Variants in ZFHX3 observed in about 807,000 individuals in gnomAD.
ZFHX3 encodes the protein zinc finger homeobox 3.
ZFHX3 carries 42 observed loss-of-function variants against 279.1 expected under a neutral mutation model. The observed-to-expected ratio is 0.15, with a 90% CI of 0.12 to 0.19. The LOEUF is 0.19. Ranked by LOEUF, ZFHX3 falls within the 10% of genes least tolerant of loss-of-function variation. ZFHX3 has a pLI of 1.00. For missense variants in ZFHX3, 4,981 were observed against 4,754.0 expected, an observed-to-expected ratio of 1.05 and a Z score of -1.40; for synonymous variants, 2,293 against 1,957.8, an observed-to-expected ratio of 1.17 and a Z score of -4.52.
At chr16:73,392,614 T>C (rs1233308904) in intron 3 of ZFHX3, among the ~76,000 whole-genome samples, 2 of 151,674 alleles carry the variant, frequency 1.3e-5, no homozygotes, top group East Asian at 3.9e-4. Context: ...GGAAGGACTA[T>C]ATAAATCTAA....
chr16:72,877,596 G>A (rs547379707), intron 4 of ZFHX3, among the ~76,000 whole-genome samples: 4 of 152,186 alleles, frequency 2.6e-5, no homozygotes, highest in African/African-American at 4.8e-5. Flanking sequence ...GAGACGACTC[G>A]TCCTCAAGTT....
intron 3 of ZFHX3, among the ~76,000 whole-genome samples, chr16:73,418,268 C>G (rs2017636378): frequency 6.6e-6 from 1 of 152,248 alleles, no homozygotes; most frequent in Non-Finnish European, 1.5e-5. Flanking sequence ...CCGATTTCCT[C>G]ATCAGTTGCA....
At chr16:73,164,596 A>G (rs1199016244) in intron 5 of ZFHX3, among the ~76,000 whole-genome samples, 1 of 151,208 alleles carries the variant, frequency 6.6e-6, no homozygotes, top group African/African-American at 2.4e-5. Flanking sequence ...GCTACTCAGG[A>G]GGCTGAGGCA....
intron 1 of ZFHX3, among the ~76,000 whole-genome samples, chr16:73,722,256 C>A (rs2053480459): frequency 1.3e-5 from 2 of 152,120 alleles, no homozygotes; most frequent in Non-Finnish European, 2.9e-5. Flanking sequence ...TTCAAAGAAA[C>A]CAAGGAGGGT....
chr16:73,400,600 A>T (rs1006616759), intron 3 of ZFHX3: 3 of 152,186 alleles, frequency 2.0e-5, no homozygotes, highest in Admixed American at 1.3e-4. Flanking sequence ...CATTTTAGCA[A>T]ATGCAAGATG....
chr16:73,545,794 A>T (rs77047600), intron 2 of ZFHX3, among the ~76,000 whole-genome samples: 4 of 80,954 alleles, frequency 4.9e-5, no homozygotes, highest in Admixed American at 1.7e-4. Flanking sequence ...TGCTGAAATT[A>T]AAAAAAAAAA....
At chr16:73,013,995 G>A (rs1964007486) in intron 1 of ZFHX3, among the ~76,000 whole-genome samples, 1 of 152,194 alleles carries the variant, frequency 6.6e-6, no homozygotes, top group East Asian at 1.9e-4. Context: ...TTGGATAGAG[G>A]AGATGATCGT....
chr16:73,855,619 T>C (rs1006379974), intron 1 of ZFHX3, among the ~76,000 whole-genome samples: 3 of 152,180 alleles, frequency 2.0e-5, no homozygotes, highest in African/African-American at 4.8e-5. Flanking sequence ...TGCAACTTTA[T>C]AGACAAGAGT....
At chr16:73,729,116 T>A (rs1046224149) in intron 1 of ZFHX3, among the ~76,000 whole-genome samples, 2 of 152,190 alleles carry the variant, frequency 1.3e-5, no homozygotes, top group Non-Finnish European at 2.9e-5. Context: ...TGAAGGGTAG[T>A]CTGCCCAGTC....
At position 72,960,209 on chromosome 16, in the gene ZFHX3, C is replaced by A; in HGVS notation, c.-49-15G>T. 2.1e-6 allele frequency: 3 copies of A among 1,440,426 alleles called. No individual in the cohort carries two copies. Among genetic ancestry groups the A allele is most frequent in the East Asian group, 2.4e-5 (1 of 41,002 alleles). 89.2% of individuals were successfully genotyped at this position (1,440,426 alleles called of 1,614,324 possible). A position where few individuals can be genotyped will look rare whatever the true frequency, so the allele number is the denominator to read the frequency against. On this transcript the variant is annotated splice_polypyrimidine_tract_variant and intron_variant, in intron 1 of 9. Coordinates refer to ENST00000268489, the MANE Select transcript of ZFHX3 (RefSeq NM_006885.4). ...GAGGCTCGGACCTGAAGGGCAGAGG[C>A]AAGGGGGGAGGAGGGAGAGAGGGGA...
At position 73,589,733 on chromosome 16, in the gene ZFHX3, CAAAAAAAAAAAAAAAAAAAAAAAA is replaced by C. The variant is rs59777135; in HGVS notation, c.-1547+90423_-1547+90446del. 1.3e-3 allele frequency among the ~76,000 whole-genome samples: 39 copies of C among 29,592 alleles called. 1 individual carries two copies. Among genetic ancestry groups the C allele is most frequent in the South Asian group, 3.2e-3 (1 of 308 alleles). The allele number at this position is 29,592 out of a possible 152,430, so 19.4% of individuals were successfully genotyped here. On this transcript the variant is annotated intron_variant, in intron 2 of 17. Coordinates refer to the ZFHX3 transcript ENST00000641206. ...TGGGTGACAGAGCGAGACTCCGTCTCAAAAAAAAAAAAAAAAAAAAAAAAAAAAAAAAAAAAAAGAATATACCCT... is the reference window on the plus strand; with the variant it reads ...TGGGTGACAGAGCGAGACTCCGTCTCAAAAAAAAAAAAAAGAATATACCCT...
chr16:72,911,075 C>A (rs2039305196), intron 3 of ZFHX3, among the ~76,000 whole-genome samples: 3 of 152,174 alleles, frequency 2.0e-5, no homozygotes, highest in Admixed American at 2.0e-4. Context: ...AATAACCCAG[C>A]ACAAAGATTC....
chr16:73,598,692 T>C (rs2052079140), intron 2 of ZFHX3, among the ~76,000 whole-genome samples: 1 of 152,280 alleles, frequency 6.6e-6, no homozygotes, highest in East Asian at 1.9e-4. Context: ...TGTGTTGGGA[T>C]TACAGGCATG....
intron 1 of ZFHX3, among the ~76,000 whole-genome samples, chr16:73,875,683 A>C (rs188483993): frequency 8.5e-5 from 13 of 152,280 alleles, no homozygotes; most frequent in Non-Finnish European, 1.6e-4. Context: ...GGCATTATTC[A>C]TTTGGTTTCT....
Position 73,609,843 on chromosome 16 carries a change from C to T in ZFHX3, c.-1547+70337G>A, listed in dbSNP as rs148884602. ...GCACATGGCATAGAAAGAAGAGACG[C>T]TATTCTCAAATTGCCTAAGCTGTGA... On this transcript the variant is annotated intron_variant, in intron 2 of 17. Transcript: ENST00000641206. The T allele has an allele frequency of 5.3e-5, 8 of 152,330 alleles. No homozygotes were observed. The East Asian group carries it at 1.5e-3, about 29-fold the overall frequency. 9.4% of individuals were successfully genotyped at this position (152,330 alleles called of 1,614,324 possible). A position where few individuals can be genotyped will look rare whatever the true frequency, so the allele number is the denominator to read the frequency against.
intron 2 of ZFHX3, among the ~76,000 whole-genome samples, chr16:73,485,624 G>T (rs2018960227): frequency 1.3e-5 from 2 of 152,106 alleles, no homozygotes; most frequent in African/African-American, 4.8e-5. Flanking sequence ...CAGAGTTCCA[G>T]CCACACTAAG....
At chr16:73,778,179 A>T (rs1490081119) in intron 1 of ZFHX3, among the ~76,000 whole-genome samples, 1 of 148,590 alleles carries the variant, frequency 6.7e-6, no homozygotes, top group Non-Finnish European at 1.5e-5. Context: ...TTCTTATGCA[A>T]CAACTCTCAT....
At chr16:73,130,565 T>C (rs1966661393) in intron 7 of ZFHX3, among the ~76,000 whole-genome samples, 1 of 152,200 alleles carries the variant, frequency 6.6e-6, no homozygotes, top group Non-Finnish European at 1.5e-5. Context: ...TCATTACTTT[T>C]TAAAGTGTGG....
chr16:73,382,724 T>G (rs2016836836), intron 3 of ZFHX3, among the ~76,000 whole-genome samples: 1 of 152,182 alleles, frequency 6.6e-6, no homozygotes, highest in South Asian at 2.1e-4. Context: ...AGGCCAAGTG[T>G]CCTTGAGCTG....
Sources: gnomAD v4.1 joint callset for allele counts (sites outside exome capture counted in the v4.1 genomes callset) on GRCh38, gnomAD v4.1.1 for gene constraint, MANE v1.5 for transcripts, NCBI Gene and HGNC (gene_info 2026-07-23, HGNC 2026-07-21) for gene names.